Variants in PKP1 observed in about 807,000 individuals in gnomAD.
The protein encoded by PKP1 is plakophilin-1.
Under a neutral mutation model 76.4 loss-of-function variants are expected in PKP1, and 27 were observed. The observed-to-expected ratio is 0.35, with a 90% CI of 0.26 to 0.49. The LOEUF (loss-of-function observed/expected upper bound fraction) is 0.49. PKP1 is among the 20% of genes least tolerant of loss of function. The pLI is 0.99. For synonymous variants in PKP1, 404 were observed against 384.2 expected (o/e 1.05, Z -0.60); for missense variants, 964 against 955.2 (o/e 1.01, Z -0.12).
intron 2 of PKP1, among the ~76,000 whole-genome samples, chr1:201,309,649 C>A (rs1317159463): frequency 6.6e-6 from 1 of 152,166 alleles, no homozygotes; most frequent in Non-Finnish European, 1.5e-5. Context: ...GCTGGGAGAG[C>A]CGGCATTGGC....
chr1:201,320,394 C>T lies in PKP1; in HGVS notation c.1347+13C>T, dbSNP rs367840190. On this transcript the variant is annotated intron_variant, in intron 7 of 13. Coordinates refer to ENST00000367324, the MANE Select transcript of PKP1 (RefSeq NM_001005337.3). ...CTGTGACGACAAGGTGAGTGCATCC[C>T]CTGGTGGCACCCTGACCCCTAGGCC... is the stretch of plus-strand genomic sequence containing the variant. The T allele has an allele frequency of 3.2e-5, 50 of 1,539,238 alleles. No individual in the cohort carries two copies. The highest frequency in any genetic ancestry group is 5.4e-5 in the African/African-American group (4 of 73,472).
intron 11 of PKP1, among the ~76,000 whole-genome samples, chr1:201,325,411 C>A (rs1015028549): frequency 2.0e-5 from 3 of 152,138 alleles, no homozygotes; most frequent in African/African-American, 7.2e-5. Context: ...CAGCAGGAGG[C>A]ATGGGGCAGC....
chr1:201,317,583 G>T lies in PKP1; in HGVS notation c.858G>T (p.Leu286=). ...CTCTTTCCTGGCAGGTCTATCAGCT[G>T]GGAGGCATCTGCAAGCTGGTGGACC... ...DESAKQQVYQ[L]GGICKLVDLL... The change falls in exon 5 of 14, where the codon CTG becomes CTT. Residue 286 remains leucine (L), a synonymous_variant. Coordinates refer to ENST00000367324, the MANE Select transcript of PKP1 (RefSeq NM_001005337.3). 4 of 1,613,800 alleles carry T rather than the reference G, an allele frequency of 2.5e-6. No homozygotes were observed. The highest frequency in any genetic ancestry group is 3.4e-6 in the Non-Finnish European group (4 of 1,179,824).
At chr1:201,322,963 C>T (rs1656993085) in intron 8 of PKP1, 50 bp from the exon 9 acceptor site, 3 of 1,576,586 alleles carry the variant, frequency 1.9e-6, no homozygotes, top group African/African-American at 1.3e-5. Flanking sequence ...TGGGTTGTGT[C>T]CTCTCACAAG....
rs931812499 is a variant in PKP1 at position 201,325,698 on chromosome 1, C to T, written c.2022-56C>T. 3.2e-5 allele frequency: 42 copies of T among 1,329,884 alleles called. No individual in the cohort carries two copies. The South Asian group carries it at 3.7e-4, about 12-fold the overall frequency. The allele number at this position is 1,329,884 out of a possible 1,614,324, so 82.4% of individuals were successfully genotyped here. Reference sequence around the variant, plus strand: ...AGTGGGGGTGGGAGGGAAGAGGGTGCTCCTTCTCACACCTCCTGGAATCTC... The same window carrying T: ...AGTGGGGGTGGGAGGGAAGAGGGTGTTCCTTCTCACACCTCCTGGAATCTC... On this transcript the variant is annotated intron_variant, in intron 11 of 13. Transcript: ENST00000367324.
chr1:201,288,786 T>C (rs1031111090), intron 1 of PKP1, among the ~76,000 whole-genome samples: 8 of 152,020 alleles, frequency 5.3e-5, no homozygotes, highest in Admixed American at 1.3e-4. Flanking sequence ...TCCCATGCTC[T>C]GCCCAGTCCT....
intron 2 of PKP1, among the ~76,000 whole-genome samples, chr1:201,300,016 T>C (rs1253740643): frequency 6.6e-6 from 1 of 152,166 alleles, no homozygotes; most frequent in Non-Finnish European, 1.5e-5. Flanking sequence ...GAGGGAGCAA[T>C]TGATGTGTTT....
chr1:201,314,350 T>A (rs921750890), intron 3 of PKP1, among the ~76,000 whole-genome samples: 1 of 152,128 alleles, frequency 6.6e-6, no homozygotes, highest in East Asian at 1.9e-4. Context: ...TAGTCCCAGC[T>A]ACTCAGAAGG....
chr1:201,313,598 C>A, intron 3 of PKP1, 38 bp downstream of exon 3: 2 of 1,595,374 alleles, frequency 1.3e-6, no homozygotes, highest in Non-Finnish European at 8.6e-7. Context: ...GCCAGGAGGG[C>A]CAGTGGGGAG....
chr1:201,291,251 A>G (rs1039877016), intron 1 of PKP1, among the ~76,000 whole-genome samples: 1 of 152,090 alleles, frequency 6.6e-6, no homozygotes, highest in Non-Finnish European at 1.5e-5. Context: ...GACCCCAACT[A>G]CAGATAGGTC....
At chr1:201,328,451 T>G in intron 12 of PKP1, 1 of 423,178 alleles carries the variant, frequency 2.4e-6, no homozygotes, top group Non-Finnish European at 4.4e-6. Flanking sequence ...TCTAATCTGA[T>G]TTTGATTGTT....
chr1:201,319,682 A>G (rs539721745), intron 6 of PKP1: 19 of 856,530 alleles, frequency 2.2e-5, no homozygotes, highest in African/African-American at 3.3e-5. Context: ...GGATGAGCCC[A>G]CATTGCTTGG....
At chr1:201,315,148 A>T (rs1389812073) in intron 3 of PKP1, among the ~76,000 whole-genome samples, 3 of 152,388 alleles carry the variant, frequency 2.0e-5, no homozygotes, top group Middle Eastern at 6.8e-3. Flanking sequence ...TGATCAGGGC[A>T]GCCTCTGGCT....
chr1:201,320,354 T>C lies in PKP1; in HGVS notation c.1320T>C (p.Cys440=). ...CCCTCATGGCCTATGTCCAGAACTGTGTAGCGGCCAGCCGCTGTGACGACA... is the reference window on the plus strand; with the variant it reads ...CCCTCATGGCCTATGTCCAGAACTGCGTAGCGGCCAGCCGCTGTGACGACA... The part of the protein sequence containing the change: ...IDSLMAYVQN[C]VAASRCDDKS... The change falls in exon 7 of 14, where the codon TGT becomes TGC. Residue 440 remains cysteine (C), a synonymous_variant. Transcript: ENST00000367324. 1 of 1,613,552 alleles carries C rather than the reference T, an allele frequency of 6.2e-7. No homozygotes were observed. Among genetic ancestry groups the C allele is most frequent in the Non-Finnish European group, 8.5e-7 (1 of 1,179,488 alleles).
chr1:201,324,604 C>G, intron 10 of PKP1, 23 bp downstream of exon 10: 3 of 1,613,530 alleles, frequency 1.9e-6, no homozygotes, highest in South Asian at 2.2e-5. Flanking sequence ...TCTCTCCTCC[C>G]CCTCTAGCTA....
chr1:201,288,466 C>G (rs1024848211), intron 1 of PKP1, among the ~76,000 whole-genome samples: 2 of 152,176 alleles, frequency 1.3e-5, no homozygotes, highest in African/African-American at 4.8e-5. Flanking sequence ...GAGATTCTGA[C>G]TTAGTGAGTA....
rs552658522 is a variant in PKP1, at chr1:201,302,204, A to G, written c.306+8159A>G. ...ATCCTTCAGTCTTTGTGAGCTCAGT[A>G]GGTGGACCAAGCTTTGTTATTCTCA... On this transcript the variant is annotated intron_variant, in intron 2 of 13. Transcript: ENST00000367324. 1.1e-4 allele frequency among the ~76,000 whole-genome samples: 16 copies of G among 152,348 alleles called. No homozygotes were observed. The East Asian group carries it at 3.1e-3, about 29-fold the overall frequency.
intron 3 of PKP1, 95 bp downstream of exon 3, chr1:201,313,655 C>A: frequency 7.7e-7 from 1 of 1,300,432 alleles, no homozygotes; most frequent in Non-Finnish European, 1.1e-6. Context: ...CCTGGGATGA[C>A]AGGAGAGACA....
intron 1 of PKP1, among the ~76,000 whole-genome samples, chr1:201,287,027 G>C (rs549543843): frequency 6.6e-6 from 1 of 152,290 alleles, no homozygotes; most frequent in East Asian, 1.9e-4. Context: ...CCTTTCACCT[G>C]TCCTGTCTCC....
Sources: allele counts gnomAD v4.1 joint callset (sites outside exome capture counted in the v4.1 genomes callset), GRCh38; gene constraint gnomAD v4.1.1; transcripts MANE v1.5; gene names NCBI Gene and HGNC (gene_info 2026-07-23, HGNC 2026-07-21).